RBFOX3: variants seen among roughly 807,000 people sequenced by gnomAD.
RBFOX3 encodes the protein RNA binding protein fox-1 homolog 3.
A neutral mutation model predicts 48.7 loss-of-function variants in RBFOX3; 17 were observed. That is an observed-to-expected ratio of 0.35 (90% CI 0.24 to 0.52). RBFOX3 has a LOEUF of 0.52. Ranked by LOEUF, RBFOX3 falls within the 20% of genes least tolerant of loss-of-function variation. RBFOX3 has a pLI of 0.94. For missense variants in RBFOX3, 382 were observed against 497.5 expected (o/e 0.77, Z 2.21); for synonymous variants, 212 against 209.5 (o/e 1.01, Z -0.10).
At chr17:79,377,660 G>A (rs553016815) in intron 2 of RBFOX3, among the ~76,000 whole-genome samples, 8 of 152,318 alleles carry the variant, frequency 5.3e-5, no homozygotes, top group Admixed American at 2.6e-4. Flanking sequence ...GAGGGGCATC[G>A]AGCTTCTGAG....
intron 1 of RBFOX3, among the ~76,000 whole-genome samples, chr17:79,609,779 A>G (rs1249225746): frequency 2.0e-5 from 3 of 151,158 alleles, no homozygotes; most frequent in African/African-American, 7.3e-5. Flanking sequence ...GCTGCGCGCC[A>G]GGGGAGGCTC....
At chr17:79,095,777 G>A (rs1450377823) in intron 12 of RBFOX3, among the ~76,000 whole-genome samples, 1 of 152,228 alleles carries the variant, frequency 6.6e-6, no homozygotes, top group East Asian at 1.9e-4. Flanking sequence ...CAGGACCGAG[G>A]ACTGCAGATG....
chr17:79,293,961 G>A (rs374235931), intron 3 of RBFOX3, among the ~76,000 whole-genome samples: 204 of 152,248 alleles, frequency 1.3e-3, no homozygotes, highest in Middle Eastern at 6.8e-3. Context: ...AAAGAGCCTC[G>A]GCCAGCATGG....
intron 3 of RBFOX3, among the ~76,000 whole-genome samples, chr17:79,292,884 G>A (rs2073614289): frequency 6.6e-6 from 1 of 152,122 alleles, no homozygotes; most frequent in Non-Finnish European, 1.5e-5. Flanking sequence ...TTTGGAATTT[G>A]GCCTTTGTTT....
chr17:79,426,310 G>A (rs1377451099), intron 2 of RBFOX3, among the ~76,000 whole-genome samples: 2 of 152,182 alleles, frequency 1.3e-5, no homozygotes, highest in Non-Finnish European at 2.9e-5. Flanking sequence ...GCAGGTGCTG[G>A]GAGAGGAGGT....
intron 2 of RBFOX3, among the ~76,000 whole-genome samples, chr17:79,416,303 C>T (rs1429054927): frequency 1.3e-5 from 2 of 152,244 alleles, no homozygotes; most frequent in Admixed American, 6.5e-5. Flanking sequence ...CTCTTCTGGT[C>T]TGAGGTGCTT....
At chr17:79,511,948 C>T (rs2084327195) in intron 1 of RBFOX3, among the ~76,000 whole-genome samples, 1 of 148,090 alleles carries the variant, frequency 6.8e-6, no homozygotes. Flanking sequence ...TCGGATACAG[C>T]CCCATGGCCA....
At chr17:79,094,668 T>TCCTGCAAGG (rs1169392715) in intron 13 of RBFOX3, 139 bp from the exon 14 acceptor site, 4 of 523,682 alleles carry the variant, frequency 7.6e-6, no homozygotes, top group South Asian at 3.1e-5. Flanking sequence ...CACCCTCCCC[T>TCCTGCAAGG]CCTGCAAGGC....
the RBFOX3 span, among the ~76,000 whole-genome samples, chr17:79,617,306 T>C: frequency 6.6e-6 from 1 of 152,138 alleles, no homozygotes; most frequent in African/African-American, 2.4e-5. Flanking sequence ...AAAAACCTTA[T>C]CTGGTCTTCC....
At chr17:79,544,447 T>G (rs1375772162) in intron 1 of RBFOX3, among the ~76,000 whole-genome samples, 1 of 151,942 alleles carries the variant, frequency 6.6e-6, no homozygotes, top group Non-Finnish European at 1.5e-5. Flanking sequence ...GGGCACTGAT[T>G]TGGAGAAGGA....
intron 4 of RBFOX3, among the ~76,000 whole-genome samples, chr17:79,221,542 C>A (rs938359453): frequency 2.6e-5 from 4 of 152,244 alleles, no homozygotes; most frequent in Non-Finnish European, 5.9e-5. Context: ...AGACTAAACA[C>A]CCAGGACTTT....
intron 2 of RBFOX3, among the ~76,000 whole-genome samples, chr17:79,393,702 C>A (rs1044523997): frequency 3.3e-5 from 5 of 150,558 alleles, no homozygotes; most frequent in African/African-American, 9.9e-5. Flanking sequence ...CCGGTCATCA[C>A]GCACATCTGA....
intron 3 of RBFOX3, among the ~76,000 whole-genome samples, chr17:79,302,160 C>G (rs1568004690): frequency 6.6e-6 from 1 of 152,202 alleles, no homozygotes; most frequent in East Asian, 1.9e-4. Context: ...GACATTTGCA[C>G]CCACTGAGCT....
intron 2 of RBFOX3, among the ~76,000 whole-genome samples, chr17:79,344,374 A>G (rs981338071): frequency 2.0e-5 from 3 of 152,094 alleles, no homozygotes; most frequent in African/African-American, 7.2e-5. Flanking sequence ...GAGAGCTTTC[A>G]AACAACCTCC....
intron 3 of RBFOX3, among the ~76,000 whole-genome samples, chr17:79,285,110 G>A (rs2071551901): frequency 6.6e-6 from 1 of 152,176 alleles, no homozygotes; most frequent in African/African-American, 2.4e-5. Flanking sequence ...GGATGTGTTG[G>A]AGGATGAGAA....
intron 2 of RBFOX3, among the ~76,000 whole-genome samples, chr17:79,356,373 T>TTTTTTGTTTTTG (rs2085101068): frequency 9.0e-5 from 8 of 88,992 alleles, no homozygotes; most frequent in East Asian, 4.6e-4. Flanking sequence ...TTTTTTTTTT[T>TTTTTTGTTTTTG]TTTTTTTTTT....
chr17:79,223,421 C>A (rs1292747463), intron 4 of RBFOX3, among the ~76,000 whole-genome samples: 1 of 152,250 alleles, frequency 6.6e-6, no homozygotes, highest in Non-Finnish European at 1.5e-5. Flanking sequence ...CACACCTCTG[C>A]ACGCAGAACC....
intron 3 of RBFOX3, among the ~76,000 whole-genome samples, chr17:79,279,178 G>T (rs2069650188): frequency 1.3e-5 from 2 of 152,078 alleles, no homozygotes; most frequent in African/African-American, 4.8e-5. Context: ...GGGCACGGGA[G>T]GTGTTCACGG....
intron 2 of RBFOX3, among the ~76,000 whole-genome samples, chr17:79,345,834 T>C (rs2082819050): frequency 6.6e-6 from 1 of 152,210 alleles, no homozygotes; most frequent in Non-Finnish European, 1.5e-5. Flanking sequence ...TTTCTTAACT[T>C]TAATGTACTC....
Sources: gnomAD v4.1 joint callset for allele counts (sites outside exome capture counted in the v4.1 genomes callset) on GRCh38, gnomAD v4.1.1 for gene constraint, MANE v1.5 for transcripts, NCBI Gene and HGNC (gene_info 2026-07-23, HGNC 2026-07-21) for gene names.